USP32: variants seen among roughly 807,000 people sequenced by gnomAD.
The protein encoded by USP32 is ubiquitin specific peptidase 32, also known as ubiquitin carboxyl-terminal hydrolase 32.
Under a neutral mutation model 204.8 loss-of-function variants are expected in USP32, and 59 were observed. The ratio of observed to expected loss-of-function variants is 0.29; its 90% CI spans 0.23 to 0.36. USP32 has a LOEUF of 0.36. Ranked by LOEUF, USP32 falls within the 10% of genes least tolerant of loss-of-function variation. The pLI is 1.00. For synonymous variants in USP32, 517 were observed against 678.4 expected, an observed-to-expected ratio of 0.76 and a Z score of 3.70; for missense variants, 1,160 against 1,946.4, an observed-to-expected ratio of 0.60 and a Z score of 7.60.
At chr17:60,375,200 GCTT>G (rs2089516591) in intron 1 of USP32, among the ~76,000 whole-genome samples, 1 of 152,018 alleles carries the variant, frequency 6.6e-6, no homozygotes, top group Non-Finnish European at 1.5e-5. Flanking sequence ...TGGATACCAC[GCTT>G]CTTCTTACCC....
intron 9 of USP32, 78 bp from the exon 10 acceptor site, chr17:60,255,336 T>C: frequency 1.7e-6 from 2 of 1,193,926 alleles, no homozygotes; most frequent in Non-Finnish European, 2.3e-6. Context: ...CTCATACTGT[T>C]GCCTGGGCTG....
intron 28 of USP32, among the ~76,000 whole-genome samples, chr17:60,191,596 G>A (rs1181692356): frequency 1.3e-5 from 2 of 150,702 alleles, no homozygotes; most frequent in Admixed American, 6.6e-5. Flanking sequence ...TGCAAGCTCC[G>A]CCTCCCGGGT....
At position 60,177,472 on chromosome 17, in the gene USP32, C is replaced by A. The variant is rs1446029766; in HGVS notation, c.*1783G>T. Among the ~76,000 whole-genome samples the A allele has an allele frequency of 6.6e-6, 1 of 152,128 alleles. No homozygotes were observed. The highest frequency in any genetic ancestry group is 1.5e-5 in the Non-Finnish European group (1 of 68,026). On this transcript the variant is annotated 3_prime_UTR_variant, in exon 34 of 34. Coordinates refer to ENST00000300896, the MANE Select transcript of USP32 (RefSeq NM_032582.4). ...TAATTTAATAAATTTTCTGCTAGTTCATGAATTAAAAAAATTAATTACAAC... is the reference window on the plus strand; with the variant it reads ...TAATTTAATAAATTTTCTGCTAGTTAATGAATTAAAAAAATTAATTACAAC...
At chr17:60,267,478 T>C (rs1337150503) in intron 7 of USP32, among the ~76,000 whole-genome samples, 3 of 152,174 alleles carry the variant, frequency 2.0e-5, no homozygotes, top group Non-Finnish European at 4.4e-5. Context: ...ACCTTTCCAG[T>C]ATAACTAATG....
chr17:60,323,419 T>C (rs72843535), intron 2 of USP32, among the ~76,000 whole-genome samples: 2,377 of 152,248 alleles, frequency 0.016, 33 homozygotes, highest in Middle Eastern at 0.034. Flanking sequence ...GAAATCTATA[T>C]AGACAGAAAG....
chr17:60,240,562 C>T (rs1159701140), intron 11 of USP32, among the ~76,000 whole-genome samples: 1 of 152,030 alleles, frequency 6.6e-6, no homozygotes, highest in Non-Finnish European at 1.5e-5. Context: ...TGCAGAATGG[C>T]GCTGTGCTGG....
At chr17:60,321,704 A>G (rs2088115964) in intron 2 of USP32, among the ~76,000 whole-genome samples, 1 of 152,242 alleles carries the variant, frequency 6.6e-6, no homozygotes, top group Non-Finnish European at 1.5e-5. Context: ...TGAAAATTTT[A>G]CAATGAAAAA....
chr17:60,185,885 GA>G, intron 29 of USP32: 1 of 429,088 alleles, frequency 2.3e-6, no homozygotes, highest in East Asian at 3.4e-5. Context: ...AAAAGAGTGA[GA>G]CCCTGTCTCT....
At chr17:60,369,039 G>A (rs2089380213) in intron 1 of USP32, among the ~76,000 whole-genome samples, 2 of 120,546 alleles carry the variant, frequency 1.7e-5, no homozygotes, top group South Asian at 2.3e-4. Flanking sequence ...CTGTCGCCCA[G>A]GCTGGAGTGC....
chr17:60,185,181 C>T (rs2084219660), intron 30 of USP32, among the ~76,000 whole-genome samples: 1 of 152,184 alleles, frequency 6.6e-6, no homozygotes, highest in South Asian at 2.1e-4. Flanking sequence ...AAATTCACCA[C>T]GTTGTACCCC....
At chr17:60,215,641 G>A (rs2085082065) in intron 16 of USP32, among the ~76,000 whole-genome samples, 1 of 152,024 alleles carries the variant, frequency 6.6e-6, no homozygotes, top group African/African-American at 2.4e-5. Context: ...ATCTGGCACA[G>A]TGGTACAACT....
intron 11 of USP32, among the ~76,000 whole-genome samples, chr17:60,244,010 T>C (rs1377007313): frequency 6.6e-6 from 1 of 151,084 alleles, no homozygotes; most frequent in Non-Finnish European, 1.5e-5. Context: ...TGCCTTTGAA[T>C]CTCAAGTAGC....
At chr17:60,391,638 G>A (rs2089835939) in intron 1 of USP32, among the ~76,000 whole-genome samples, 1 of 152,152 alleles carries the variant, frequency 6.6e-6, no homozygotes, top group Admixed American at 6.5e-5. Flanking sequence ...GCGAGCACGG[G>A]CACTGCCCTG....
At chr17:60,301,807 G>A in intron 2 of USP32, 103 bp from the exon 3 acceptor site, 7 of 745,538 alleles carry the variant, frequency 9.4e-6, no homozygotes, top group Admixed American at 3.2e-5. Context: ...TCCACAACAG[G>A]CCCTGGTAAA....
intron 1 of USP32, among the ~76,000 whole-genome samples, chr17:60,411,338 A>AATAAATAG (rs2090016787): frequency 6.8e-6 from 1 of 147,792 alleles, no homozygotes; most frequent in Admixed American, 6.8e-5. Flanking sequence ...TAAATAAATA[A>AATAAATAG]ATAAATAAAT....
At chr17:60,235,773 TCAGGTTACTTTTTCTTTCAGCAC>T (rs2085707528) in intron 12 of USP32, among the ~76,000 whole-genome samples, 1 of 152,236 alleles carries the variant, frequency 6.6e-6, no homozygotes, top group African/African-American at 2.4e-5. Flanking sequence ...ATCATGACAT[TCAGGTTACTTTTTCTTTCAGCAC>T]CAGGTTCCCC....
At chr17:60,303,736 G>A (rs771439346) in intron 2 of USP32, among the ~76,000 whole-genome samples, 6 of 151,992 alleles carry the variant, frequency 3.9e-5, no homozygotes, top group Non-Finnish European at 7.4e-5. Flanking sequence ...ACAGAAAGAA[G>A]GAAAAACCCA....
chr17:60,297,045 A>G (rs1467808120), intron 3 of USP32, among the ~76,000 whole-genome samples: 1 of 152,114 alleles, frequency 6.6e-6, no homozygotes, highest in Non-Finnish European at 1.5e-5. Flanking sequence ...AAAAATCCCA[A>G]ATTGTAAACA....
chr17:60,320,851 G>T (rs1300632855), intron 2 of USP32, among the ~76,000 whole-genome samples: 1 of 152,146 alleles, frequency 6.6e-6, no homozygotes, highest in Non-Finnish European at 1.5e-5. Context: ...TCACATGCAG[G>T]TTCCAGGAAC....
Sources: gnomAD v4.1 joint callset for allele counts (sites outside exome capture counted in the v4.1 genomes callset) on GRCh38, gnomAD v4.1.1 for gene constraint, MANE v1.5 for transcripts, NCBI Gene and HGNC (gene_info 2026-07-23, HGNC 2026-07-21) for gene names.